Variants in ANAPC2 observed in about 807,000 individuals in gnomAD.
ANAPC2 encodes the protein anaphase-promoting complex subunit 2.
Under a neutral mutation model 84.3 loss-of-function variants are expected in ANAPC2, and 29 were observed. The ratio of observed to expected loss-of-function variants is 0.34; its 90% CI spans 0.26 to 0.47. The LOEUF (loss-of-function observed/expected upper bound fraction) is 0.47. ANAPC2 is among the 20% of genes least tolerant of loss of function. The probability of loss-of-function intolerance (pLI) is 1.00; values close to 1 mark genes in which losing one functional copy is unlikely to be tolerated. For synonymous variants in ANAPC2, 571 were observed against 479.4 expected (o/e 1.19, Z -2.50); for missense variants, 857 against 1,131.7 (o/e 0.76, Z 3.48).
chr9:137,180,223 C>T lies in ANAPC2; in HGVS notation c.1848G>A (p.Arg616=), dbSNP rs371633866. ...DEKLEVPEDI[R]AALEAYCKKY... Reference sequence around the variant, plus strand: ...TCTTGCAGTAAGCCTCCAGGGCTGCCCTGATATCCTCGGGGACCTCCAGCT... The same window carrying T: ...TCTTGCAGTAAGCCTCCAGGGCTGCTCTGATATCCTCGGGGACCTCCAGCT... Residue 616 remains arginine (R), a synonymous_variant, in exon 10 of 13, where the codon AGG becomes AGA. Coordinates refer to ENST00000323927, the MANE Select transcript of ANAPC2 (RefSeq NM_013366.4). 2 of 1,613,712 alleles carry T rather than the reference C, an allele frequency of 1.2e-6. No homozygotes were observed. The highest frequency in any genetic ancestry group is 1.3e-5 in the African/African-American group (1 of 74,946).
chr9:137,180,095 G>T, intron 10 of ANAPC2, 86 bp downstream of exon 10: 1 of 1,431,956 alleles, frequency 7.0e-7, no homozygotes, highest in Non-Finnish European at 9.5e-7. Flanking sequence ...TGACAACGGG[G>T]CAGCCACAGG....
At chr9:137,181,350 C>CGTT (rs1834338694) in intron 7 of ANAPC2, among the ~76,000 whole-genome samples, 1 of 152,194 alleles carries the variant, frequency 6.6e-6, no homozygotes, top group Non-Finnish European at 1.5e-5. Context: ...CTTTGAGGCC[C>CGTT]AAATCAGTAC....
intron 7 of ANAPC2, among the ~76,000 whole-genome samples, chr9:137,181,351 A>ACTTTG (rs1834338825): frequency 6.6e-6 from 1 of 152,230 alleles, no homozygotes; most frequent in Non-Finnish European, 1.5e-5. Context: ...TTTGAGGCCC[A>ACTTTG]AATCAGTACA....
intron 10 of ANAPC2, among the ~76,000 whole-genome samples, chr9:137,178,055 G>A (rs1159356163): frequency 6.6e-6 from 1 of 152,186 alleles, no homozygotes; most frequent in Non-Finnish European, 1.5e-5. Flanking sequence ...GTAGCACTGG[G>A]GCACTGACAC....
Position 137,187,687 on chromosome 9 carries a change from C to T in ANAPC2, c.534G>A (p.Gly178=). The change falls in exon 2 of 13, where the codon GGG becomes GGA. Residue 178 remains glycine, a synonymous_variant. Coordinates refer to ENST00000323927, the MANE Select transcript of ANAPC2 (RefSeq NM_013366.4). ...TFQEMIQRLY[G]CFLRVYMQSK... ...TCTGCATATAGACTCTCAAGAAGCA[C>T]CCATACAGACGCTGGATCATCTCTT... 8 of 1,614,072 alleles carry T rather than the reference C, an allele frequency of 5.0e-6. No homozygotes were observed. Among genetic ancestry groups the T allele is most frequent in the African/African-American group, 1.3e-5 (1 of 75,056 alleles).
chr9:137,186,862 G>C (rs1185050483), intron 2 of ANAPC2: 1 of 164,222 alleles, frequency 6.1e-6, no homozygotes, highest in Non-Finnish European at 1.3e-5. Flanking sequence ...CGGTCTCCCT[G>C]ACCCCTGCCA....
chr9:137,184,110 G>A (rs931566736), intron 4 of ANAPC2, among the ~76,000 whole-genome samples: 8 of 152,358 alleles, frequency 5.3e-5, no homozygotes, highest in South Asian at 4.1e-4. Context: ...GGGGGACGCC[G>A]CAGTGGGGAC....
intron 7 of ANAPC2, 130 bp from the exon 8 acceptor site, chr9:137,181,059 G>T: frequency 8.4e-7 from 1 of 1,197,598 alleles, no homozygotes; most frequent in East Asian, 2.4e-5. Context: ...GAGGCTGGGA[G>T]CAGCCCTGAG....
chr9:137,183,496 A>G, intron 5 of ANAPC2, 176 bp downstream of exon 5: 1 of 1,027,496 alleles, frequency 9.7e-7, no homozygotes. Flanking sequence ...AGAAGAAACA[A>G]GCAAGCTGAC....
intron 10 of ANAPC2, 125 bp downstream of exon 10, chr9:137,180,056 G>T (rs547922084): frequency 5.5e-6 from 6 of 1,098,186 alleles, no homozygotes; most frequent in Non-Finnish European, 7.7e-6. Flanking sequence ...AGGCGGCTGC[G>T]AGACAGGACC....
chr9:137,175,975 A>G, intron 10 of ANAPC2, 138 bp from the exon 11 acceptor site: 1 of 1,140,510 alleles, frequency 8.8e-7, no homozygotes, highest in South Asian at 1.6e-5. Flanking sequence ...GTGAGCAGCG[A>G]GAGCACAGGA....
intron 1 of ANAPC2, 87 bp downstream of exon 1, chr9:137,188,329 G>A (rs1189467761): frequency 1.2e-5 from 17 of 1,425,550 alleles, no homozygotes; most frequent in Admixed American, 2.1e-5. Context: ...GATGGACAGA[G>A]CCGTATGAAC....
intron 1 of ANAPC2, 120 bp from the exon 2 acceptor site, chr9:137,188,223 G>C: frequency 7.1e-7 from 1 of 1,399,512 alleles, no homozygotes; most frequent in Non-Finnish European, 9.6e-7. Flanking sequence ...CGTGCTGCCC[G>C]GACGTTGGGC....
Position 137,187,854 on chromosome 9 carries a change from C to A in ANAPC2, c.367G>T (p.Asp123Tyr). ...DAFGLLESRLDPYLRSLELLE... is the reference protein window; with the variant it reads ...DAFGLLESRLYPYLRSLELLE... ...AGCTCTAGGCTACGCAGGTAGGGATCCAGGCGGCTCTCCAGCAGGCCAAAA... is the reference window on the plus strand; with the variant it reads ...AGCTCTAGGCTACGCAGGTAGGGATACAGGCGGCTCTCCAGCAGGCCAAAA... The change falls in exon 2 of 13, where the codon GAT becomes TAT. Residue 123 changes from aspartate (D) to tyrosine (Y), a missense_variant. Coordinates refer to ENST00000323927, the MANE Select transcript of ANAPC2 (RefSeq NM_013366.4). 1 of 1,613,616 alleles carries A rather than the reference C, an allele frequency of 6.2e-7. No individual in the cohort carries two copies. Among genetic ancestry groups the A allele is most frequent in the Non-Finnish European group, 8.5e-7 (1 of 1,180,044 alleles).
At chr9:137,182,071 C>T (rs1172872210) in intron 6 of ANAPC2, among the ~76,000 whole-genome samples, 1 of 152,186 alleles carries the variant, frequency 6.6e-6, no homozygotes, top group African/African-American at 2.4e-5. Flanking sequence ...GAGCTGCGAG[C>T]GCAAGGCCGG....
At chr9:137,177,797 G>C (rs961800950) in intron 10 of ANAPC2, among the ~76,000 whole-genome samples, 4 of 134,984 alleles carry the variant, frequency 3.0e-5, no homozygotes, top group South Asian at 4.8e-4. Context: ...CCCTGGAATA[G>C]AGAGAGTGTT....
rs997909371 is a variant in ANAPC2, at chr9:137,175,732, T to C, written c.1996A>G (p.Ile666Val). The C allele has an allele frequency of 1.9e-5, 31 of 1,611,456 alleles. No individual in the cohort carries two copies. The highest frequency in any genetic ancestry group is 2.5e-5 in the Non-Finnish European group (30 of 1,179,236). Residue 666 changes from isoleucine (I) to valine (V), a missense_variant, in exon 11 of 13, where the codon ATC (isoleucine) becomes GTC (valine). By Grantham distance (29) the Ile-to-Val change is conservative (BLOSUM62 3). Around this residue, in one of 3 missense-constraint regions of ANAPC2, gnomAD observed 425 missense variants for 595.5 expected, o/e 0.71. Coordinates refer to ENST00000323927, the MANE Select transcript of ANAPC2 (RefSeq NM_013366.4). Reference protein sequence around the residue: ...SVAVTPVQAVILLYFQDQASW... With the variant: ...SVAVTPVQAVVLLYFQDQASW... Reference sequence around the variant, plus strand: ...CCTTGGTCCTGAAAATACAGCAAGATCACCGCCTGTACTGGGGTGACCGCC... The same window carrying C: ...CCTTGGTCCTGAAAATACAGCAAGACCACCGCCTGTACTGGGGTGACCGCC...
Position 137,185,068 on chromosome 9 carries a change from C to T in ANAPC2, c.893G>A (p.Gly298Asp). The T allele has an allele frequency of 6.5e-7, 1 of 1,549,890 alleles. No individual in the cohort carries two copies. The highest frequency in any genetic ancestry group is 1.4e-5 in the African/African-American group (1 of 73,004). ...CTGCAGGAACACCTTGCCGAGCCAG[C>T]CGACCACCCGCTCGATCCACTGTCA... The part of the protein sequence containing the change: ...EFHKWIERVV[G>D]WLGKVFLQDG... The change falls in exon 4 of 13, where the codon GGC (glycine) becomes GAC (aspartate). Residue 298 changes from glycine (G) to aspartate (D), a missense_variant. Physicochemically the swap from Gly to Asp is moderately conservative, Grantham distance 94. Coordinates refer to ENST00000323927, the MANE Select transcript of ANAPC2 (RefSeq NM_013366.4).
intron 7 of ANAPC2, among the ~76,000 whole-genome samples, chr9:137,181,161 G>A (rs557148384): frequency 6.6e-6 from 1 of 152,362 alleles, no homozygotes; most frequent in South Asian, 2.1e-4. Context: ...CTCCCATGCA[G>A]GCTTAGGGGA....
Sources: gnomAD v4.1 joint callset for allele counts (sites outside exome capture counted in the v4.1 genomes callset) on GRCh38, gnomAD v4.1.1 for gene constraint, gnomAD v4.1.1 regional missense constraint, MANE v1.5 for transcripts, NCBI Gene and HGNC (gene_info 2026-07-23, HGNC 2026-07-21) for gene names.